The following TMEM223 variants were observed in gnomAD, a reference collection of about 807,000 sequenced individuals.
TMEM223 encodes the protein transmembrane protein 223.
Under a neutral mutation model 14.1 loss-of-function variants are expected in TMEM223, and 14 were observed. The ratio of observed to expected loss-of-function variants is 0.99; its 90% CI spans 0.66 to 1.55. The LOEUF is 1.55. Among genes scored for constraint, TMEM223 ranks in the 40% most tolerant of loss-of-function variants. The pLI, the probability that TMEM223 is intolerant of heterozygous loss-of-function variation, is 0.00. For missense variants in TMEM223, 346 were observed against 269.9 expected (o/e 1.28, Z -1.97); for synonymous variants, 145 against 120.5 (o/e 1.20, Z -1.33).
downstream of TMEM223, chr11:62,782,668 C>T: frequency 6.2e-7 from 1 of 1,609,050 alleles, no homozygotes; most frequent in Non-Finnish European, 8.5e-7. Flanking sequence ...TCATTCCCCT[C>T]CCTAACTGAA....
chr11:62,787,049 C>T (rs768347100), downstream of TMEM223: 8 of 1,522,036 alleles, frequency 5.3e-6, no homozygotes, highest in Admixed American at 2.0e-5. Flanking sequence ...GGCCCCGGGA[C>T]CGGCACCCGC....
At position 62,790,815 on chromosome 11, in the gene TMEM223, G is replaced by A. The variant is rs1249943401; in HGVS notation, c.417C>T (p.Ala139=). Residue 139 remains alanine, a synonymous_variant, in exon 2 of 2, where the codon GCC becomes GCT. Coordinates refer to ENST00000307366, the MANE Select transcript of TMEM223 (RefSeq NM_001080501.3). ...GGQQVTLTTH[A]PFGLGAHFTV... ...TGAAATGGGCCCCCAAGCCAAAGGG[G>A]GCATGAGTGGTGAGGGTCACCTGCT... The A allele has an allele frequency of 2.4e-5, 39 of 1,605,774 alleles. No individual in the cohort carries two copies. The highest frequency in any genetic ancestry group is 3.1e-5 in the Non-Finnish European group (37 of 1,176,146).
intron 1 of TMEM223, chr11:62,778,057 G>T (rs1249392636): frequency 6.2e-7 from 1 of 1,614,112 alleles, no homozygotes; most frequent in African/African-American, 1.3e-5. Context: ...CCTGAGGATC[G>T]AGAGGTGAAC....
chr11:62,775,180 GTCTT>G (rs1294215534), intron 1 of TMEM223, among the ~76,000 whole-genome samples: 2 of 152,250 alleles, frequency 1.3e-5, no homozygotes, highest in East Asian at 1.9e-4. Flanking sequence ...AAGCAAACAT[GTCTT>G]TCTTCATGTG....
chr11:62,771,771 T>C (rs2084149552), exon 3 of TMEM223: 1 of 222,424 alleles, frequency 4.5e-6, no homozygotes, highest in Non-Finnish European at 9.3e-6. Flanking sequence ...GAGAGGAGGC[T>C]GAGGAGCGGG....
chr11:62,772,159 A>G (rs1310609750), intron 2 of TMEM223: 1 of 456,080 alleles, frequency 2.2e-6, no homozygotes, highest in Non-Finnish European at 4.4e-6. Flanking sequence ...ATACATAATA[A>G]TATCTTATTA....
chr11:62,775,755 C>A, intron 1 of TMEM223: 1 of 1,589,206 alleles, frequency 6.3e-7, no homozygotes, highest in Non-Finnish European at 8.5e-7. Flanking sequence ...TTCCAGTCTT[C>A]ATTCTCCACT....
At chr11:62,781,771 A>G (rs2084231586) in intron 1 of TMEM223, 2 of 861,974 alleles carry the variant, frequency 2.3e-6, no homozygotes, top group Non-Finnish European at 3.8e-6. Flanking sequence ...TGCTAGATCA[A>G]AGAATATGAA....
downstream of TMEM223, among the ~76,000 whole-genome samples, chr11:62,785,046 T>G: frequency 6.6e-6 from 1 of 152,122 alleles, no homozygotes; most frequent in Non-Finnish European, 1.5e-5. Context: ...TCTTCCTACA[T>G]TGCCCAGGCT....
Position 62,790,102 on chromosome 11 carries a change from TCC to T in TMEM223, c.*519_*520del. The T allele has an allele frequency of 7.7e-7, 1 of 1,306,912 alleles. No individual in the cohort carries two copies. Among genetic ancestry groups the T allele is most frequent in the Non-Finnish European group, 9.9e-7 (1 of 1,011,024 alleles). The allele number at this position is 1,306,912 out of a possible 1,614,324, so 81.0% of individuals were successfully genotyped here. On this transcript the variant is annotated 3_prime_UTR_variant, in exon 2 of 2. Transcript: ENST00000307366. The stretch of plus-strand genomic sequence containing the variant: ...AGACTCCATGCCCAAGTGCCTGTAA[TCC>T]CCCCCCTCAAGGCCCTGTTTATGTT...
At chr11:62,782,068 G>A (rs747266444) in intron 1 of TMEM223, 7 of 1,590,166 alleles carry the variant, frequency 4.4e-6, no homozygotes, top group Non-Finnish European at 6.0e-6. Context: ...GTGGGCTCCT[G>A]CCTGTCCCCT....
intron 1 of TMEM223, chr11:62,774,726 C>T (rs2084172686): frequency 2.2e-6 from 1 of 450,074 alleles, no homozygotes; most frequent in African/African-American, 2.0e-5. Flanking sequence ...AGACCAAACA[C>T]ATAGGCAGAA....
chr11:62,787,344 G>C (rs1349934480), downstream of TMEM223: 1 of 1,526,956 alleles, frequency 6.5e-7, no homozygotes, highest in Non-Finnish European at 8.7e-7. Context: ...CCCCGGAAAT[G>C]ACGTCTCCAC....
downstream of TMEM223, among the ~76,000 whole-genome samples, chr11:62,788,400 GCAAAAA>G (rs540874469): frequency 1.5e-3 from 217 of 147,624 alleles, 4 homozygotes; most frequent in Non-Finnish European, 2.6e-3. Context: ...AATCTCCATC[GCAAAAA>G]CAAAAACAAA....
At chr11:62,772,829 CTTCT>C (rs766897703) in intron 2 of TMEM223, among the ~76,000 whole-genome samples, 4 of 144,112 alleles carry the variant, frequency 2.8e-5, no homozygotes, top group South Asian at 2.3e-4. Flanking sequence ...AAGAATAGTT[CTTCT>C]TTCTTTCTTT....
chr11:62,787,583 C>T (rs2084301935), downstream of TMEM223: 4 of 1,463,314 alleles, frequency 2.7e-6, no homozygotes, highest in Admixed American at 2.5e-5. Flanking sequence ...CTGGACATGG[C>T]GAGGCCACTT....
chr11:62,786,451 T>C (rs1255663457), downstream of TMEM223: 7 of 1,595,800 alleles, frequency 4.4e-6, no homozygotes, highest in Non-Finnish European at 6.0e-6. Flanking sequence ...GCAGGCTTAC[T>C]TTGGAATATT....
At chr11:62,791,611 G>A in intron 1 of TMEM223, 68 bp downstream of exon 1, 2 of 1,433,992 alleles carry the variant, frequency 1.4e-6, no homozygotes, top group Non-Finnish European at 1.8e-6. Flanking sequence ...GACTCTCCCT[G>A]CCTGTATAGG....
At position 62,778,097 on chromosome 11, in the gene TMEM223, C is replaced by T. The variant is rs773020534; in HGVS notation, c.315-3432G>A. 1.5e-5 allele frequency: 25 copies of T among 1,614,170 alleles called. 2 individuals carry two copies. The South Asian group carries it at 2.6e-4, about 17-fold the overall frequency. ...TGGAGCTGGCCCTGGCTACCAACAT[C>T]CCCAAAGGCTGTGCTGAGACAGCTG... On this transcript the variant is annotated intron_variant, in intron 1 of 2. Coordinates refer to the TMEM223 transcript ENST00000528367.
Sources: allele counts gnomAD v4.1 joint callset (sites outside exome capture counted in the v4.1 genomes callset), GRCh38; gene constraint gnomAD v4.1.1; transcripts MANE v1.5; gene names NCBI Gene and HGNC (gene_info 2026-07-23, HGNC 2026-07-21).